TCP11L2: variants seen among roughly 807,000 people sequenced by gnomAD.
The protein encoded by TCP11L2 is t-complex 11 like 2, also known as T-complex protein 11-like protein 2.
A neutral mutation model predicts 50.7 loss-of-function variants in TCP11L2; 39 were observed. The observed-to-expected ratio is 0.77, with a 90% CI of 0.60 to 1.01. The LOEUF is 1.01. Among genes scored for constraint, TCP11L2 ranks in the 50% least tolerant of loss-of-function variants. The pLI is 0.00. For synonymous variants in TCP11L2, 192 were observed against 219.3 expected, an observed-to-expected ratio of 0.88 and a Z score of 1.10; for missense variants, 612 against 614.7, an observed-to-expected ratio of 1.00 and a Z score of 0.05.
chr12:106,346,691 A>G lies in TCP11L2; in HGVS notation c.*161A>G. 1.3e-6 allele frequency: 1 copy of G among 797,578 alleles called. No homozygotes were observed. The highest frequency in any genetic ancestry group is 1.9e-6 in the Non-Finnish European group (1 of 531,418). The allele number at this position is 797,578 out of a possible 1,614,324, so 49.4% of individuals were successfully genotyped here. ...TATTAGCATTACAGAAGACACACAC[A>G]TCACATAGACCCTCAGAAGACGTAA... On this transcript the variant is annotated 3_prime_UTR_variant, in exon 10 of 10. Transcript: ENST00000299045.
At chr12:106,319,138 C>T (rs1472606943) in intron 4 of TCP11L2, among the ~76,000 whole-genome samples, 1 of 152,124 alleles carries the variant, frequency 6.6e-6, no homozygotes, top group East Asian at 1.9e-4. Context: ...GTCTCGATCT[C>T]CTGACCTCAT....
chr12:106,323,209 A>G (rs1295289124), intron 5 of TCP11L2, among the ~76,000 whole-genome samples: 2 of 152,116 alleles, frequency 1.3e-5, no homozygotes, highest in African/African-American at 4.8e-5. Context: ...TAGAGGCCAT[A>G]TACCCTGTGT....
intron 5 of TCP11L2, among the ~76,000 whole-genome samples, chr12:106,322,861 C>T (rs1401291469): frequency 6.6e-6 from 1 of 152,168 alleles, no homozygotes; most frequent in African/African-American, 2.4e-5. Flanking sequence ...AGGATCCTTG[C>T]TTCTAGTTGT....
intron 6 of TCP11L2, 111 bp downstream of exon 6, chr12:106,323,757 A>C: frequency 2.0e-6 from 1 of 492,804 alleles, no homozygotes; most frequent in Non-Finnish European, 3.0e-6. Context: ...TAAATAAATA[A>C]AATTTAATTT....
intron 6 of TCP11L2, among the ~76,000 whole-genome samples, chr12:106,328,554 C>T (rs2035636195): frequency 6.6e-6 from 1 of 152,092 alleles, no homozygotes. Context: ...AAAAACAAAA[C>T]AAAACAAAAC....
At chr12:106,335,367 C>T (rs1483396137) in intron 6 of TCP11L2, among the ~76,000 whole-genome samples, 8 of 152,136 alleles carry the variant, frequency 5.3e-5, no homozygotes, top group Admixed American at 5.2e-4. Context: ...CTAGAATGTG[C>T]CATATGCTGT....
chr12:106,313,713 A>C (rs1414921954), intron 2 of TCP11L2, among the ~76,000 whole-genome samples: 1 of 151,532 alleles, frequency 6.6e-6, no homozygotes, highest in East Asian at 1.9e-4. Context: ...TTCCTATATA[A>C]TACATATAAT....
At chr12:106,307,315 G>A (rs2034673236) in intron 1 of TCP11L2, 1 of 152,168 alleles carries the variant, frequency 6.6e-6, no homozygotes, top group Non-Finnish European at 1.5e-5. Context: ...TTTGCTTGGA[G>A]TCATCTTCAG....
At chr12:106,302,254 G>A (rs1312215198), upstream of TCP11L2, among the ~76,000 whole-genome samples, 2 of 151,958 alleles carry the variant, frequency 1.3e-5, no homozygotes, top group African/African-American at 4.8e-5. Context: ...GGATCTGTCC[G>A]GCACTCCACT....
At chr12:106,346,120 T>A (rs563026413) in intron 9 of TCP11L2, among the ~76,000 whole-genome samples, 166 bp from the exon 10 acceptor site, 2 of 152,246 alleles carry the variant, frequency 1.3e-5, no homozygotes, top group South Asian at 4.2e-4. Context: ...CACTCCAGCT[T>A]TGATAGGAGG....
chr12:106,318,944 G>A (rs1056032740), intron 4 of TCP11L2, among the ~76,000 whole-genome samples: 7 of 148,050 alleles, frequency 4.7e-5, no homozygotes, highest in African/African-American at 7.6e-5. Context: ...TCACTCTGTC[G>A]CCCAGGCCGG....
chr12:106,300,307 C>T (rs1452625003), upstream of TCP11L2, among the ~76,000 whole-genome samples: 1 of 151,962 alleles, frequency 6.6e-6, no homozygotes, highest in African/African-American at 2.4e-5. Context: ...TTTTACAGCA[C>T]TCCATTTTTT....
upstream of TCP11L2, among the ~76,000 whole-genome samples, chr12:106,298,468 G>A (rs2034376132): frequency 6.6e-6 from 1 of 152,102 alleles, no homozygotes; most frequent in Admixed American, 6.5e-5. Flanking sequence ...AGATGGACAG[G>A]GGAGAGAAAA....
intron 6 of TCP11L2, among the ~76,000 whole-genome samples, chr12:106,334,895 T>C (rs2035862319): frequency 6.6e-6 from 1 of 151,918 alleles, no homozygotes; most frequent in South Asian, 2.1e-4. Context: ...GAGCTGAGAT[T>C]GCCCCACTGC....
chr12:106,335,087 G>A (rs2035870892), intron 6 of TCP11L2, among the ~76,000 whole-genome samples: 1 of 152,138 alleles, frequency 6.6e-6, no homozygotes, highest in Admixed American at 6.5e-5. Flanking sequence ...TTCACTTTGG[G>A]AAAGGCATAT....
intron 9 of TCP11L2, among the ~76,000 whole-genome samples, chr12:106,342,803 C>T (rs920695544): frequency 9.0e-4 from 137 of 152,322 alleles, no homozygotes; most frequent in African/African-American, 2.7e-3. Flanking sequence ...CTGACTGGCA[C>T]GTCAGTCAGA....
At chr12:106,336,329 A>T in intron 8 of TCP11L2, 116 bp downstream of exon 8, 1 of 928,730 alleles carries the variant, frequency 1.1e-6, no homozygotes. Context: ...GCTTTAGAGA[A>T]GCTTATCTTA....
At position 106,314,390 on chromosome 12, in the gene TCP11L2, G is replaced by A. The variant is rs1404089341; in HGVS notation, c.190G>A (p.Glu64Lys). 1 of 1,612,320 alleles carries A rather than the reference G, an allele frequency of 6.2e-7. No homozygotes were observed. Among genetic ancestry groups the A allele is most frequent in the East Asian group, 2.2e-5 (1 of 44,828 alleles). The change falls in exon 3 of 10, where the codon GAA becomes AAA. Residue 64 changes from glutamate to lysine, a missense_variant. Glu to Lys is a moderately conservative substitution (Grantham distance 56). Coordinates refer to ENST00000299045, the MANE Select transcript of TCP11L2 (RefSeq NM_152772.3). Reference sequence around the variant, plus strand: ...CCCTCCAAGGGTTGTAACATTTGATGAAGTGATGGCTACAGCAAGGAACTT... The same window carrying A: ...CCCTCCAAGGGTTGTAACATTTGATAAAGTGATGGCTACAGCAAGGAACTT... ...TSPPRVVTFD[E>K]VMATARNLSN...
At position 106,340,947 on chromosome 12, in the gene TCP11L2, G is replaced by C. The variant is rs765668459; in HGVS notation, c.1264G>C (p.Gly422Arg). 6.2e-7 allele frequency: 1 copy of C among 1,613,470 alleles called. No homozygotes were observed. The highest frequency in any genetic ancestry group is 1.1e-5 in the South Asian group (1 of 90,936). The change falls in exon 9 of 10, where the codon GGT (glycine) becomes CGT (arginine). Residue 422 changes from glycine to arginine, a missense_variant. By Grantham distance (125) the Gly-to-Arg change is moderately radical. Transcript: ENST00000299045. ...TGCTGAGATTCAAGCTAATCTTATA[G>C]GTCAATTTTCAAGCATTGAAGAGGA... Reference protein sequence around the residue: ...LNAEIQANLIGQFSSIEEEDN... With the variant: ...LNAEIQANLIRQFSSIEEEDN...
Sources: gnomAD v4.1 joint callset for allele counts (sites outside exome capture counted in the v4.1 genomes callset) on GRCh38, gnomAD v4.1.1 for gene constraint, MANE v1.5 for transcripts, NCBI Gene and HGNC (gene_info 2026-07-23, HGNC 2026-07-21) for gene names.